GYPB: variants seen among roughly 807,000 people sequenced by gnomAD.
The protein encoded by GYPB is glycophorin B (MNS blood group).
In GYPB, 13 loss-of-function variants were observed where a neutral mutation model predicts 15.3. The ratio of observed to expected loss-of-function variants is 0.85; its 90% CI spans 0.55 to 1.35. The LOEUF is 1.35. Among genes scored for constraint, GYPB ranks in the 40% most tolerant of loss-of-function variants. The pLI is 0.00. For synonymous variants in GYPB, 38 were observed against 36.9 expected, an observed-to-expected ratio of 1.03 and a Z score of -0.11; for missense variants, 131 against 108.3, an observed-to-expected ratio of 1.21 and a Z score of -0.93.
chr4:144,006,144 A>G, intron 1 of GYPB, among the ~76,000 whole-genome samples: 1 of 151,876 alleles, frequency 6.6e-6, no homozygotes. Context: ...TATGGTACTT[A>G]GTACAAAGTA....
chr4:144,008,040 C>T (rs1390304637), intron 1 of GYPB, among the ~76,000 whole-genome samples: 3 of 151,510 alleles, frequency 2.0e-5, no homozygotes, highest in African/African-American at 7.4e-5. Flanking sequence ...ACACTTACTT[C>T]ATTCCACACA....
At position 144,011,335 on chromosome 4, in the gene GYPB, G is replaced by C. The variant is rs533089958; in HGVS notation, c.37+7916C>G. Reference sequence around the variant, plus strand: ...GCAGAGGTTGCAGTGAGCCGAGATCGTGCCACTGCACTCCAGCCTGGGCGA... The same window carrying C: ...GCAGAGGTTGCAGTGAGCCGAGATCCTGCCACTGCACTCCAGCCTGGGCGA... On this transcript the variant is annotated intron_variant, in intron 1 of 4. Transcript: ENST00000502664. 5.9e-5 allele frequency among the ~76,000 whole-genome samples: 9 copies of C among 151,428 alleles called. No homozygotes were observed. In the East Asian group the frequency reaches 1.7e-3, roughly 29 times the overall value.
At chr4:144,012,993 A>G (rs1317297898) in intron 1 of GYPB, among the ~76,000 whole-genome samples, 2 of 151,864 alleles carry the variant, frequency 1.3e-5, no homozygotes, top group Non-Finnish European at 2.9e-5. Flanking sequence ...AAAGGACACT[A>G]TCAAAAGTAA....
intron 1 of GYPB, among the ~76,000 whole-genome samples, chr4:144,001,901 C>T (rs780127073): frequency 1.5e-5 from 2 of 135,498 alleles, no homozygotes; most frequent in Non-Finnish European, 3.1e-5. Flanking sequence ...CCCAGGAGGC[C>T]GAGCTTGCAG....
At chr4:144,005,489 C>T (rs61359671) in intron 1 of GYPB, among the ~76,000 whole-genome samples, 32 of 151,844 alleles carry the variant, frequency 2.1e-4, no homozygotes, top group Non-Finnish European at 3.8e-4. Context: ...GATTTTTTTC[C>T]ACACTAATTT....
intron 4 of GYPB, chr4:143,997,243 C>A (rs1293198505): frequency 8.1e-6 from 2 of 246,256 alleles, no homozygotes; most frequent in Non-Finnish European, 1.6e-5. Flanking sequence ...TAAGAAGAAT[C>A]TTAATATTTC....
intron 1 of GYPB, among the ~76,000 whole-genome samples, chr4:144,014,138 T>C (rs1728369295): frequency 1.3e-5 from 2 of 151,822 alleles, no homozygotes; most frequent in Non-Finnish European, 2.9e-5. Flanking sequence ...TGGCACCTCA[T>C]ACACTCTGGT....
chr4:144,017,705 C>T (rs973894862), intron 1 of GYPB, among the ~76,000 whole-genome samples: 4 of 151,332 alleles, frequency 2.6e-5, no homozygotes, highest in Admixed American at 2.6e-4. Flanking sequence ...CTGGGCACAC[C>T]CCCAGTAGAG....
rs1205033998 is a variant in GYPB at position 143,996,108 on chromosome 4, G to A, written c.*191C>T. Reference sequence around the variant, plus strand: ...ATCATGACTATAATACATGAAAACGGTTTGTATTTTGTTTTATTTTTATTT... The same window carrying A: ...ATCATGACTATAATACATGAAAACGATTTGTATTTTGTTTTATTTTTATTT... On this transcript the variant is annotated 3_prime_UTR_variant, in exon 5 of 5. Coordinates refer to ENST00000502664, the MANE Select transcript of GYPB (RefSeq NM_002100.6). 5.1e-5 allele frequency: 72 copies of A among 1,398,074 alleles called. No individual in the cohort carries two copies. Among genetic ancestry groups the A allele is most frequent in the African/African-American group, 7.5e-5 (5 of 66,324 alleles). The allele number at this position is 1,398,074 out of a possible 1,614,324, so 86.6% of individuals were successfully genotyped here. A position where few individuals can be genotyped will look rare whatever the true frequency, so the allele number is the denominator to read the frequency against.
intron 1 of GYPB, among the ~76,000 whole-genome samples, chr4:144,010,655 G>A (rs1057501858): frequency 6.6e-6 from 1 of 151,182 alleles, no homozygotes; most frequent in African/African-American, 2.5e-5. Context: ...TGATGAACCT[G>A]GTTATACCCT....
intron 4 of GYPB, 21 bp from the exon 5 acceptor site, chr4:143,996,325 G>A (rs779363328): frequency 3.9e-6 from 6 of 1,550,594 alleles, no homozygotes; most frequent in Non-Finnish European, 5.2e-6. Flanking sequence ...AAGACAAGAA[G>A]TTTCCACTTC....
intron 1 of GYPB, among the ~76,000 whole-genome samples, chr4:144,009,412 CT>C (rs1173213525): frequency 6.6e-6 from 1 of 150,712 alleles, no homozygotes; most frequent in Non-Finnish European, 1.5e-5. Context: ...GCCACAACTA[CT>C]TTAGGCTTTG....
At chr4:144,016,223 A>T (rs1373761444) in intron 1 of GYPB, among the ~76,000 whole-genome samples, 3 of 143,948 alleles carry the variant, frequency 2.1e-5, no homozygotes, top group Admixed American at 7.1e-5. Context: ...ATGTACCTGC[A>T]GGGGTATGAG....
At chr4:144,003,026 A>G (rs1423043188) in intron 1 of GYPB, among the ~76,000 whole-genome samples, 3 of 151,496 alleles carry the variant, frequency 2.0e-5, no homozygotes, top group Admixed American at 6.5e-5. Context: ...GGCTTTTAAG[A>G]TAATATAAAA....
At chr4:144,002,984 T>C (rs1157076530) in intron 1 of GYPB, among the ~76,000 whole-genome samples, 10 of 151,500 alleles carry the variant, frequency 6.6e-5, no homozygotes. Context: ...AATTACTGAA[T>C]GTTTCTAAGT....
At chr4:144,002,180 G>A in intron 1 of GYPB, among the ~76,000 whole-genome samples, 1 of 151,172 alleles carries the variant, frequency 6.6e-6, no homozygotes, top group Non-Finnish European at 1.5e-5. Context: ...ATTCAATAAA[G>A]AATATTTGGG....
chr4:144,015,856 T>C (rs575263232), intron 1 of GYPB, among the ~76,000 whole-genome samples: 4 of 151,024 alleles, frequency 2.6e-5, no homozygotes, highest in Non-Finnish European at 5.9e-5. Context: ...ATCTACTCGG[T>C]GCTTGATTGA....
intron 1 of GYPB, among the ~76,000 whole-genome samples, chr4:144,006,396 TGGG>T (rs1266076159): frequency 6.6e-6 from 1 of 151,952 alleles, no homozygotes; most frequent in African/African-American, 2.4e-5. Context: ...TGGGGTGACT[TGGG>T]GGCCCAAGAC....
At chr4:143,999,756 A>C (rs1392393054) in intron 2 of GYPB, among the ~76,000 whole-genome samples, 1 of 151,574 alleles carries the variant, frequency 6.6e-6, no homozygotes, top group Non-Finnish European at 1.5e-5. Context: ...TTACACAAGA[A>C]GCAATGCATT....
Sources: allele counts gnomAD v4.1 joint callset (sites outside exome capture counted in the v4.1 genomes callset), GRCh38; gene constraint gnomAD v4.1.1; transcripts MANE v1.5; gene names NCBI Gene and HGNC (gene_info 2026-07-23, HGNC 2026-07-21).